The following MDGA2 variants were observed in gnomAD, a reference collection of about 807,000 sequenced individuals.
MDGA2 encodes the protein MAM domain containing glycosylphosphatidylinositol anchor 2, also known as MAM domain-containing glycosylphosphatidylinositol anchor protein 2.
Under a neutral mutation model 117.8 loss-of-function variants are expected in MDGA2, and 40 were observed. That is an observed-to-expected ratio of 0.34 (90% CI 0.26 to 0.44). The LOEUF (loss-of-function observed/expected upper bound fraction) is 0.44, where lower values mean the gene tolerates loss of function less well. Ranked by LOEUF, MDGA2 falls within the 20% of genes least tolerant of loss-of-function variation. MDGA2 has a pLI of 1.00. For synonymous variants in MDGA2, 452 were observed against 439.0 expected (o/e 1.03, Z -0.37); for missense variants, 1,123 against 1,250.6 (o/e 0.90, Z 1.54).
intron 1 of MDGA2, among the ~76,000 whole-genome samples, chr14:47,626,680 G>A (rs1055130936): frequency 6.6e-6 from 1 of 152,138 alleles, no homozygotes; most frequent in Admixed American, 6.5e-5. Flanking sequence ...GGCCCGGGCG[G>A]TGAGGGGCTT....
chr14:47,313,736 G>A (rs1054006647), intron 1 of MDGA2, among the ~76,000 whole-genome samples: 2 of 152,070 alleles, frequency 1.3e-5, no homozygotes, highest in African/African-American at 2.4e-5. Flanking sequence ...ATAATGAATT[G>A]GTTACCCTAA....
chr14:47,645,285 C>T (rs1897505928), intron 1 of MDGA2, among the ~76,000 whole-genome samples: 1 of 151,830 alleles, frequency 6.6e-6, no homozygotes, highest in African/African-American at 2.4e-5. Flanking sequence ...CGCTGTCTCC[C>T]AAGCTGGAGG....
chr14:47,108,676 G>A (rs530161802), intron 5 of MDGA2, among the ~76,000 whole-genome samples: 10 of 151,682 alleles, frequency 6.6e-5, no homozygotes, highest in Non-Finnish European at 1.3e-4. Context: ...CTCTCTTTTC[G>A]GACTCAGCCC....
At chr14:47,120,999 C>A (rs112244791) in intron 5 of MDGA2, among the ~76,000 whole-genome samples, 1 of 152,058 alleles carries the variant, frequency 6.6e-6, no homozygotes, top group Non-Finnish European at 1.5e-5. Context: ...TAGCTAACAT[C>A]AGAAAAATGT....
At chr14:47,194,207 GATTTA>G (rs1387200492) in intron 3 of MDGA2, among the ~76,000 whole-genome samples, 2 of 152,104 alleles carry the variant, frequency 1.3e-5, no homozygotes, top group Admixed American at 6.6e-5. Context: ...AGACAAGACT[GATTTA>G]ATTAAATAAT....
At chr14:47,319,179 A>G (rs530787186) in intron 1 of MDGA2, among the ~76,000 whole-genome samples, 2 of 152,252 alleles carry the variant, frequency 1.3e-5, no homozygotes, top group South Asian at 4.2e-4. Flanking sequence ...TGGATCGTCA[A>G]TCACCTCCTA....
intron 6 of MDGA2, among the ~76,000 whole-genome samples, chr14:47,091,961 A>T (rs1208906897): frequency 6.6e-6 from 1 of 152,124 alleles, no homozygotes; most frequent in African/African-American, 2.4e-5. Context: ...CAGCATTATC[A>T]ACTAGTAAAT....
intron 10 of MDGA2, among the ~76,000 whole-genome samples, chr14:46,885,868 C>T (rs1882653516): frequency 6.6e-6 from 1 of 152,142 alleles, no homozygotes; most frequent in African/African-American, 2.4e-5. Context: ...ATCTGAAGGA[C>T]TCTGAGTTTA....
At chr14:47,602,951 A>G (rs1007078920) in intron 1 of MDGA2, among the ~76,000 whole-genome samples, 4 of 152,186 alleles carry the variant, frequency 2.6e-5, no homozygotes, top group Admixed American at 1.3e-4. Context: ...AAAGTTATCA[A>G]TAAGAAGGAA....
In MDGA2 at chr14:47,670,382, G is replaced by C. The variant is rs965793140; in HGVS notation, c.280+4135C>G. On this transcript the variant is annotated intron_variant, in intron 1 of 16. Coordinates refer to ENST00000399232, the MANE Select transcript of MDGA2 (RefSeq NM_001113498.3). ...TTAATAACTTCCTTGGAAATTAAAG[G>C]CATGATGACCAGAAGTAAAATTACA... Among the ~76,000 whole-genome samples the C allele has an allele frequency of 2.0e-5, 3 of 152,096 alleles. 1 individual carries two copies. The highest frequency in any genetic ancestry group is 1.3e-4 in the Admixed American group (2 of 15,270).
intron 1 of MDGA2, among the ~76,000 whole-genome samples, chr14:47,665,845 C>A (rs1897944607): frequency 6.9e-6 from 1 of 144,788 alleles, no homozygotes; most frequent in Admixed American, 6.8e-5. Flanking sequence ...CCCGCCCCAC[C>A]CCACCATGGA....
At chr14:46,941,484 C>T (rs2138582092) in intron 9 of MDGA2, among the ~76,000 whole-genome samples, 1 of 152,242 alleles carries the variant, frequency 6.6e-6, no homozygotes, top group South Asian at 2.1e-4. Flanking sequence ...CCTTGGAACA[C>T]ACTCTGCACT....
chr14:46,922,688 G>T (rs1340736885), intron 9 of MDGA2, among the ~76,000 whole-genome samples: 1 of 152,160 alleles, frequency 6.6e-6, no homozygotes. Flanking sequence ...AATTTGGAAT[G>T]CTTTAAAGAG....
At chr14:47,354,862 T>C (rs1370379032) in intron 1 of MDGA2, among the ~76,000 whole-genome samples, 2 of 152,120 alleles carry the variant, frequency 1.3e-5, no homozygotes, top group Admixed American at 6.5e-5. Context: ...ATTTTTTTTT[T>C]CCAAAAAGAT....
At chr14:47,008,054 A>G (rs1344542967) in intron 8 of MDGA2, among the ~76,000 whole-genome samples, 1 of 151,858 alleles carries the variant, frequency 6.6e-6, no homozygotes, top group Non-Finnish European at 1.5e-5. Context: ...TTTACTAAGC[A>G]TCAAATGGTA....
chr14:47,097,455 T>C (rs895992727), intron 5 of MDGA2, among the ~76,000 whole-genome samples: 2 of 152,032 alleles, frequency 1.3e-5, no homozygotes, highest in African/African-American at 2.4e-5. Flanking sequence ...CTGACAATCA[T>C]CTTCTGTTTT....
chr14:47,411,793 T>A (rs891536512), intron 1 of MDGA2, among the ~76,000 whole-genome samples: 4 of 152,132 alleles, frequency 2.6e-5, no homozygotes, highest in African/African-American at 7.2e-5. Flanking sequence ...CTAAAATGGA[T>A]CATCAGGCAT....
chr14:47,583,803 T>G (rs1416298516), intron 1 of MDGA2, among the ~76,000 whole-genome samples: 2 of 151,892 alleles, frequency 1.3e-5, no homozygotes, highest in Non-Finnish European at 2.9e-5. Flanking sequence ...AATGATTACC[T>G]TATGTGTAAA....
intron 1 of MDGA2, among the ~76,000 whole-genome samples, chr14:47,614,713 G>T (rs1313948001): frequency 1.3e-5 from 2 of 152,138 alleles, no homozygotes; most frequent in East Asian, 3.8e-4. Context: ...GAAGAAAAGG[G>T]AAAATGAGAA....
Sources: allele counts gnomAD v4.1 joint callset (sites outside exome capture counted in the v4.1 genomes callset), GRCh38; gene constraint gnomAD v4.1.1; transcripts MANE v1.5; gene names NCBI Gene and HGNC (gene_info 2026-07-23, HGNC 2026-07-21).